Variants in PPP1CC observed in about 807,000 individuals in gnomAD.
PPP1CC encodes serine/threonine-protein phosphatase PP1-gamma catalytic subunit.
In PPP1CC, 16 loss-of-function variants were observed where a neutral mutation model predicts 38.4. That is an observed-to-expected ratio of 0.42 (90% CI 0.28 to 0.63). PPP1CC has a LOEUF of 0.63. Ranked by LOEUF, PPP1CC falls within the 30% of genes least tolerant of loss-of-function variation. PPP1CC has a pLI of 0.25. For synonymous variants in PPP1CC, 158 were observed against 136.0 expected, an observed-to-expected ratio of 1.16 and a Z score of -1.13; for missense variants, 170 against 391.3, an observed-to-expected ratio of 0.43 and a Z score of 4.77.
Position 110,739,966 on chromosome 12 carries a change from G to A in PPP1CC, c.55+2687C>T, listed in dbSNP as rs146499624. Reference sequence around the variant, plus strand: ...TAAGTTTTATCATCAGCAAGGCAGAGCTTGGATAAAAGCATCCATGGTGGG... The same window carrying A: ...TAAGTTTTATCATCAGCAAGGCAGAACTTGGATAAAAGCATCCATGGTGGG... On this transcript the variant is annotated intron_variant, in intron 1 of 6. Coordinates refer to ENST00000335007, the MANE Select transcript of PPP1CC (RefSeq NM_002710.4). Among the ~76,000 whole-genome samples the A allele has an allele frequency of 1.4e-3, 214 of 152,264 alleles. 1 individual carries two copies. Among genetic ancestry groups the A allele is most frequent in the African/African-American group, 4.8e-3 (200 of 41,538 alleles).
chr12:110,716,429 T>C (rs897420203), downstream of PPP1CC, among the ~76,000 whole-genome samples: 1 of 152,080 alleles, frequency 6.6e-6, no homozygotes, highest in African/African-American at 2.4e-5. Context: ...CTTGGCTCAC[T>C]GCAACCTCTG....
chr12:110,721,116 G>A lies in PPP1CC; in HGVS notation c.932C>T (p.Thr311Met), dbSNP rs1256688007. 9 of 1,613,874 alleles carry A rather than the reference G, an allele frequency of 5.6e-6. No individual in the cohort carries two copies. The highest frequency in any genetic ancestry group is 1.1e-5 in the South Asian group (1 of 91,078). The change falls in exon 7 of 7, where the codon ACG (threonine) becomes ATG (methionine). Residue 311 changes from threonine (T) to methionine (M), a missense_variant. Thr to Met is a moderately conservative substitution (Grantham distance 81, BLOSUM62 -1). Around this residue, in one of 3 missense-constraint regions of PPP1CC, gnomAD observed 23 missense variants for 24.0 expected, o/e 0.96. Transcript: ENST00000335007. ...KKKPNATRPV[T>M]PPRGMITKQA... is the part of the protein sequence containing the mutation. ...CTTTGTGATCATACCCCTTGGAGGC[G>A]TTACAGGTCTCGTGGCATTTGGCTT...
At chr12:110,737,477 CAAAAA>C (rs71083137) in intron 1 of PPP1CC, among the ~76,000 whole-genome samples, 34 of 42,488 alleles carry the variant, frequency 8.0e-4, no homozygotes, top group African/African-American at 3.0e-3. Flanking sequence ...AAGAAAGACT[CAAAAA>C]AAAAAAAAAA....
At position 110,722,748 on chromosome 12, in the gene PPP1CC, A is replaced by C. The variant is rs1334276207; in HGVS notation, c.524-53T>G. 2 of 1,373,674 alleles carry C rather than the reference A, an allele frequency of 1.5e-6. No homozygotes were observed. The highest frequency in any genetic ancestry group is 9.9e-7 in the Non-Finnish European group (1 of 1,008,602). 85.1% of individuals were successfully genotyped at this position (1,373,674 alleles called of 1,614,324 possible). On this transcript the variant is annotated intron_variant, in intron 4 of 6. Coordinates refer to ENST00000335007, the MANE Select transcript of PPP1CC (RefSeq NM_002710.4). The surrounding 1 kb of genome is among the most constrained non-coding windows in gnomAD (Gnocchi z 5.4). Reference sequence around the variant, plus strand: ...AAGAAAGCAGAACTTTTAAAAGGATACTACCCCTTCAAAAGTTCCATTTGT... The same window carrying C: ...AAGAAAGCAGAACTTTTAAAAGGATCCTACCCCTTCAAAAGTTCCATTTGT...
rs1210012380 is a variant in PPP1CC at position 110,731,757 on chromosome 12, G to A, written c.187+13C>T. On this transcript the variant is annotated intron_variant, in intron 2 of 6. Transcript: ENST00000335007. ...TCATGTAACAAAAGATAACCTGTGTGCCCCAAACTTACCACATATTTTGAG... is the reference window on the plus strand; with the variant it reads ...TCATGTAACAAAAGATAACCTGTGTACCCCAAACTTACCACATATTTTGAG... 2 of 1,602,014 alleles carry A rather than the reference G, an allele frequency of 1.2e-6. No homozygotes were observed. The highest frequency in any genetic ancestry group is 1.1e-5 in the South Asian group (1 of 90,596).
the PPP1CC span, among the ~76,000 whole-genome samples, chr12:110,711,863 T>G: frequency 6.6e-6 from 1 of 151,940 alleles, no homozygotes; most frequent in Non-Finnish European, 1.5e-5. Flanking sequence ...GGACGGAGGT[T>G]GCAGTGAGCC....
At chr12:110,726,637 C>T (rs1161730664) in intron 3 of PPP1CC, 5 of 152,198 alleles carry the variant, frequency 3.3e-5, no homozygotes, top group Non-Finnish European at 2.9e-5. Flanking sequence ...ACTACTACTA[C>T]CACCACAGGA....
chr12:110,734,457 C>T lies in PPP1CC; in HGVS notation c.56-2556G>A, dbSNP rs555856689. 1.1e-3 allele frequency among the ~76,000 whole-genome samples: 170 copies of T among 152,312 alleles called. 1 individual carries two copies. The South Asian group carries it at 0.014, about 12-fold the overall frequency. ...CTCCCGGGTTCAAGCAATTATCCTGCCTCAGCCTCCCGAGTACCTGGGATT... is the reference window on the plus strand; with the variant it reads ...CTCCCGGGTTCAAGCAATTATCCTGTCTCAGCCTCCCGAGTACCTGGGATT... On this transcript the variant is annotated intron_variant, in intron 1 of 6. Transcript: ENST00000335007.
intron 4 of PPP1CC, among the ~76,000 whole-genome samples, chr12:110,723,097 T>C (rs1034779194): frequency 6.6e-6 from 1 of 152,238 alleles, no homozygotes; most frequent in Non-Finnish European, 1.5e-5. Flanking sequence ...GGTAGTTCTC[T>C]AGGAAACCTG....
At position 110,720,137 on chromosome 12, in the gene PPP1CC, C is replaced by T. The variant is rs2069721263; in HGVS notation, c.*939G>A. ...AGGCCAAAGAAAGCATAATCGGTCA[C>T]TCGTATAGAACAGTATTGTTTCTAT... On this transcript the variant is annotated 3_prime_UTR_variant, in exon 7 of 7. Coordinates refer to ENST00000335007, the MANE Select transcript of PPP1CC (RefSeq NM_002710.4). 6.4e-7 allele frequency: 1 copy of T among 1,550,952 alleles called. No individual in the cohort carries two copies. The highest frequency in any genetic ancestry group is 1.4e-5 in the African/African-American group (1 of 73,982).
the PPP1CC span, among the ~76,000 whole-genome samples, chr12:110,709,853 TAA>T: frequency 6.6e-6 from 1 of 151,280 alleles, no homozygotes; most frequent in Admixed American, 6.6e-5. Flanking sequence ...GGTCAAATTT[TAA>T]AAGTTTTAAA....
At chr12:110,727,798 G>A (rs913879547) in intron 3 of PPP1CC, among the ~76,000 whole-genome samples, 3 of 152,036 alleles carry the variant, frequency 2.0e-5, no homozygotes, top group East Asian at 1.9e-4. Flanking sequence ...CCTATGTCAA[G>A]GGCACTTTCA....
chr12:110,714,329 T>TG, the PPP1CC span, among the ~76,000 whole-genome samples: 32 of 152,188 alleles, frequency 2.1e-4, no homozygotes, highest in East Asian at 5.8e-3. Flanking sequence ...GAGAGGAACA[T>TG]GGGGCAGATC....
intron 1 of PPP1CC, among the ~76,000 whole-genome samples, chr12:110,737,875 G>C (rs1364724587): frequency 2.6e-5 from 4 of 152,018 alleles, no homozygotes; most frequent in African/African-American, 7.2e-5. Flanking sequence ...TTGAACCCAG[G>C]AGTTCAGGTC....
chr12:110,731,743 A>G, intron 2 of PPP1CC, 27 bp downstream of exon 2: 1 of 1,592,038 alleles, frequency 6.3e-7, no homozygotes, highest in Non-Finnish European at 8.6e-7. Context: ...CATGTAACAA[A>G]AGATAACCTG....
intron 1 of PPP1CC, among the ~76,000 whole-genome samples, chr12:110,740,292 G>T (rs1593587780): frequency 6.6e-6 from 1 of 152,154 alleles, no homozygotes; most frequent in African/African-American, 2.4e-5. Context: ...ATTATGAAAA[G>T]AATAAAATTT....
At chr12:110,739,406 T>TA (rs1488076834) in intron 1 of PPP1CC, among the ~76,000 whole-genome samples, 1 of 152,174 alleles carries the variant, frequency 6.6e-6, no homozygotes, top group African/African-American at 2.4e-5. Context: ...TTCCCCTTTT[T>TA]AAACCATTAT....
chr12:110,741,798 C>CA (rs1168773837), intron 1 of PPP1CC, among the ~76,000 whole-genome samples: 6 of 151,922 alleles, frequency 3.9e-5, no homozygotes, highest in Middle Eastern at 3.4e-3. Context: ...ATAACAAAAA[C>CA]AAAAAAAATT....
downstream of PPP1CC, among the ~76,000 whole-genome samples, chr12:110,716,453 A>G (rs2136531272): frequency 6.6e-6 from 1 of 151,902 alleles, no homozygotes; most frequent in Middle Eastern, 3.4e-3. Context: ...CCCAGGTTCA[A>G]GCGATTCTCC....
Sources: gnomAD v4.1 joint callset for allele counts (sites outside exome capture counted in the v4.1 genomes callset) on GRCh38, gnomAD v4.1.1 for gene constraint, gnomAD v4.1.1 regional missense constraint, Gnocchi (gnomAD v3.1) non-coding constraint, MANE v1.5 for transcripts, NCBI Gene and HGNC (gene_info 2026-07-23, HGNC 2026-07-21) for gene names.